The following ZNF730 variants were observed in gnomAD, a reference collection of about 807,000 sequenced individuals.
ZNF730 encodes zinc finger protein 730.
In ZNF730, 12 loss-of-function variants were observed where a neutral mutation model predicts 12.6. That is an observed-to-expected ratio of 0.95 (90% CI 0.61 to 1.54). ZNF730 has a LOEUF of 1.54. Among genes scored for constraint, ZNF730 ranks in the 40% most tolerant of loss-of-function variants. ZNF730 has a pLI of 0.00. For missense variants in ZNF730, 643 were observed against 583.5 expected, an observed-to-expected ratio of 1.10 and a Z score of -1.05; for synonymous variants, 194 against 195.8, an observed-to-expected ratio of 0.99 and a Z score of 0.08.
At chr19:23,078,615 G>T (rs1969908751) in intron 1 of ZNF730, among the ~76,000 whole-genome samples, 2 of 152,232 alleles carry the variant, frequency 1.3e-5, no homozygotes, top group East Asian at 1.9e-4. Flanking sequence ...TCAGAGACCG[G>T]TGCTGGCACG....
chr19:23,116,320 T>TTTC (rs1970520664), upstream of ZNF730, among the ~76,000 whole-genome samples: 1 of 29,148 alleles, frequency 3.4e-5, no homozygotes, highest in Non-Finnish European at 1.1e-4. Context: ...TTTTCTTTTC[T>TTTC]TTTCTTTCTT....
chr19:23,096,294 A>C (rs950838049), intron 1 of ZNF730, among the ~76,000 whole-genome samples: 1 of 152,178 alleles, frequency 6.6e-6, no homozygotes, highest in Admixed American at 6.5e-5. Flanking sequence ...CACTCTATCA[A>C]GAACCTAGGT....
chr19:23,140,607 T>TAA (rs35291458), intron 3 of ZNF730, among the ~76,000 whole-genome samples: 1,364 of 128,864 alleles, frequency 0.011, 16 homozygotes, highest in Admixed American at 0.031. Flanking sequence ...GACTCGGTCT[T>TAA]AAAAAAAAAA....
chr19:23,134,144 C>G lies in ZNF730; in HGVS notation c.68C>G (p.Thr23Ser). The G allele has an allele frequency of 6.2e-7, 1 of 1,613,036 alleles. No individual in the cohort carries two copies. The highest frequency in any genetic ancestry group is 8.5e-7 in the Non-Finnish European group (1 of 1,179,532). ...CTGGAGGAGTGGCAATGTCTGGACA[C>G]CGAACAACAGAATTTATATAGAAAT... ...FSLEEWQCLD[T>S]EQQNLYRNVM... is the part of the protein sequence containing the mutation. The change falls in exon 2 of 4, where the codon ACC (threonine) becomes AGC (serine). Residue 23 changes from threonine to serine, a missense_variant. Thr to Ser is a moderately conservative substitution (Grantham distance 58). Coordinates refer to ENST00000597761, the MANE Select transcript of ZNF730 (RefSeq NM_001277403.2).
At chr19:23,100,835 A>T (rs532050600) in intron 1 of ZNF730, among the ~76,000 whole-genome samples, 2 of 151,456 alleles carry the variant, frequency 1.3e-5, no homozygotes, top group African/African-American at 4.8e-5. Flanking sequence ...TTTGTATTTT[A>T]AGTAGAGACA....
At chr19:23,116,572 ACTT>A (rs1485074278), upstream of ZNF730, among the ~76,000 whole-genome samples, 1 of 69,324 alleles carries the variant, frequency 1.4e-5, no homozygotes, top group Non-Finnish European at 2.9e-5. Flanking sequence ...ACTCCCAGCT[ACTT>A]TTTTTTTTTT....
intron 2 of ZNF730, among the ~76,000 whole-genome samples, chr19:23,134,585 G>A (rs1352135220): frequency 9.0e-5 from 6 of 66,376 alleles, no homozygotes; most frequent in Non-Finnish European, 1.7e-4. Context: ...CAGCCGCCCC[G>A]TCCTGGAGGG....
chr19:23,122,759 G>A (rs1031793596), intron 1 of ZNF730, among the ~76,000 whole-genome samples: 8 of 152,220 alleles, frequency 5.3e-5, no homozygotes, highest in Non-Finnish European at 4.4e-5. Context: ...ATAATAGTAT[G>A]AATATAAGGC....
upstream of ZNF730, among the ~76,000 whole-genome samples, chr19:23,113,294 G>C (rs149535502): frequency 1.3e-5 from 2 of 152,136 alleles, no homozygotes; most frequent in African/African-American, 4.8e-5. Context: ...CAAACTCTTC[G>C]TATTATCCTC....
chr19:23,130,849 T>C (rs1049189338), intron 1 of ZNF730, among the ~76,000 whole-genome samples: 1 of 152,302 alleles, frequency 6.6e-6, no homozygotes, highest in East Asian at 1.9e-4. Flanking sequence ...GTCCACTCCC[T>C]GCCCCAGTTC....
chr19:23,101,077 ATCT>A (rs1421958287), intron 1 of ZNF730, among the ~76,000 whole-genome samples: 7 of 152,334 alleles, frequency 4.6e-5, no homozygotes, highest in African/African-American at 1.2e-4. Context: ...CACAGGAAAG[ATCT>A]TCTTGGACAA....
At chr19:23,078,758 C>G (rs771358) in intron 1 of ZNF730, among the ~76,000 whole-genome samples, 42,988 of 152,070 alleles carry the variant, frequency 0.28, 6,633 homozygotes, top group African/African-American at 0.4. Context: ...GGGCAGGCCA[C>G]CCCTTCAGTC....
intron 1 of ZNF730, among the ~76,000 whole-genome samples, chr19:23,103,588 CT>C (rs1970359401): frequency 6.6e-6 from 1 of 152,114 alleles, no homozygotes; most frequent in Non-Finnish European, 1.5e-5. Context: ...TTCCTGATTC[CT>C]GGCTTTTGGA....
chr19:23,133,894 CTT>C (rs1970780307), intron 1 of ZNF730, among the ~76,000 whole-genome samples, 184 bp from the exon 2 acceptor site: 1 of 152,196 alleles, frequency 6.6e-6, no homozygotes, highest in East Asian at 1.9e-4. Flanking sequence ...ATGCCAATCT[CTT>C]TTCTCAGAGT....
intron 1 of ZNF730, among the ~76,000 whole-genome samples, chr19:23,097,057 A>G (rs1970264207): frequency 6.6e-6 from 1 of 152,164 alleles, no homozygotes; most frequent in Admixed American, 6.5e-5. Context: ...CCCTGGGCCC[A>G]GCACATAGAG....
chr19:23,106,662 A>T (rs1970395612), intron 1 of ZNF730, among the ~76,000 whole-genome samples: 1 of 152,098 alleles, frequency 6.6e-6, no homozygotes, highest in South Asian at 2.1e-4. Flanking sequence ...ATGGTGGCAC[A>T]TGCCTGTAAT....
rs866012417 is a variant in ZNF730, at chr19:23,107,475, A to C, written c.-93-26605A>C. 8.9e-3 allele frequency among the ~76,000 whole-genome samples: 1,055 copies of C among 118,880 alleles called. 6 individuals carry two copies. Among genetic ancestry groups the C allele is most frequent in the Non-Finnish European group, 0.011 (594 of 54,324 alleles). 78.0% of individuals were successfully genotyped at this position (118,880 alleles called of 152,430 possible). Reference sequence around the variant, plus strand: ...AAAAAAAAAAAAAAAAAAAAAAAAAACCACCACAGCTCTGTTTTTTGTTAT... The same window carrying C: ...AAAAAAAAAAAAAAAAAAAAAAAAACCCACCACAGCTCTGTTTTTTGTTAT... On this transcript the variant is annotated intron_variant, in intron 1 of 2. Transcript: ENST00000593635.
chr19:23,142,225 A>G (rs1476399207), intron 3 of ZNF730, among the ~76,000 whole-genome samples: 1 of 151,946 alleles, frequency 6.6e-6, no homozygotes, highest in African/African-American at 2.4e-5. Context: ...GTAGTTGCAT[A>G]ATATTATTTT....
intron 1 of ZNF730, among the ~76,000 whole-genome samples, chr19:23,087,400 T>C (rs1173002129): frequency 6.6e-6 from 1 of 152,040 alleles, no homozygotes; most frequent in Non-Finnish European, 1.5e-5. Flanking sequence ...AGAGCAAGAT[T>C]CCGTCTCAAA....
Sources: allele counts gnomAD v4.1 joint callset (sites outside exome capture counted in the v4.1 genomes callset), GRCh38; gene constraint gnomAD v4.1.1; transcripts MANE v1.5; gene names NCBI Gene and HGNC (gene_info 2026-07-23, HGNC 2026-07-21).